The following CCDC171 variants were observed in gnomAD, a reference collection of about 807,000 sequenced individuals.
CCDC171 encodes the protein coiled-coil domain-containing protein 171.
In CCDC171, 177 loss-of-function variants were observed where a neutral mutation model predicts 168.2. The ratio of observed to expected loss-of-function variants is 1.05; its 90% CI spans 0.93 to 1.19. The LOEUF (loss-of-function observed/expected upper bound fraction) is 1.19, where lower values mean the gene tolerates loss of function less well. Among genes scored for constraint, CCDC171 ranks in the 50% most tolerant of loss-of-function variants. The pLI, the probability that CCDC171 is intolerant of heterozygous loss-of-function variation, is 0.00. For missense variants in CCDC171, 1,991 were observed against 1,539.0 expected, an observed-to-expected ratio of 1.29 and a Z score of -4.91; for synonymous variants, 687 against 540.8, an observed-to-expected ratio of 1.27 and a Z score of -3.75.
intron 25 of CCDC171, among the ~76,000 whole-genome samples, chr9:15,923,399 G>T (rs1825559725): frequency 1.3e-5 from 2 of 151,196 alleles, no homozygotes; most frequent in Admixed American, 1.3e-4. Flanking sequence ...AATAAGCCAG[G>T]CATAGAAAGA....
At chr9:15,905,235 C>A (rs1157753354) in intron 24 of CCDC171, among the ~76,000 whole-genome samples, 12 of 152,232 alleles carry the variant, frequency 7.9e-5, no homozygotes, top group African/African-American at 2.9e-4. Context: ...CTCAGCACCA[C>A]ACTGCACTTA....
chr9:15,691,042 A>G (rs564909671), intron 10 of CCDC171, among the ~76,000 whole-genome samples: 1 of 152,324 alleles, frequency 6.6e-6, no homozygotes, highest in South Asian at 2.1e-4. Context: ...CAATTGTCTG[A>G]AAACAGTGTG....
At chr9:16,030,462 A>G (rs1289223523) in intron 6 of CCDC171, among the ~76,000 whole-genome samples, 1 of 152,166 alleles carries the variant, frequency 6.6e-6, no homozygotes, top group Non-Finnish European at 1.5e-5. Context: ...ATTTTAGTAC[A>G]TAGTCTATAG....
At chr9:16,000,482 C>T (rs1304746081) in intron 3 of CCDC171, among the ~76,000 whole-genome samples, 1 of 152,124 alleles carries the variant, frequency 6.6e-6, no homozygotes, top group Non-Finnish European at 1.5e-5. Context: ...ATCTTTAACA[C>T]TTTCCATTTT....
intron 25 of CCDC171, among the ~76,000 whole-genome samples, chr9:15,958,167 T>C (rs1017310702): frequency 6.6e-6 from 1 of 152,046 alleles, no homozygotes; most frequent in African/African-American, 2.4e-5. Flanking sequence ...CAGGCAGGTG[T>C]ATAGAGTACC....
chr9:15,744,733 T>C lies in CCDC171; in HGVS notation c.2510T>C (p.Met837Thr), dbSNP rs769752673. ...WMESFKEGIG[M>T]LVCTGEPQDK... ...GAGAGTTTCAAAGAAGGCATAGGCA[T>C]GTTAGTGTGCACAGGAGAGCCCCAA... The change falls in exon 17 of 26, where the codon ATG becomes ACG. Residue 837 changes from methionine (M) to threonine (T), a missense_variant. Physicochemically the swap from Met to Thr is moderately conservative, Grantham distance 81. Coordinates refer to ENST00000380701, the MANE Select transcript of CCDC171 (RefSeq NM_173550.4). The C allele has an allele frequency of 4.3e-6, 7 of 1,613,954 alleles. No individual in the cohort carries two copies. Among genetic ancestry groups the C allele is most frequent in the Non-Finnish European group, 5.9e-6 (7 of 1,180,004 alleles).
At chr9:16,018,776 G>T (rs1833093073) in intron 3 of CCDC171, among the ~76,000 whole-genome samples, 1 of 152,178 alleles carries the variant, frequency 6.6e-6, no homozygotes, top group South Asian at 2.1e-4. Flanking sequence ...TAAGAAAGTT[G>T]CTGATACCCA....
At chr9:15,771,682 C>A (rs1222223876) in intron 18 of CCDC171, among the ~76,000 whole-genome samples, 1 of 152,052 alleles carries the variant, frequency 6.6e-6, no homozygotes, top group Non-Finnish European at 1.5e-5. Context: ...TGGTAAGTTA[C>A]TGAGAAAGGC....
the CCDC171 span, among the ~76,000 whole-genome samples, chr9:16,084,771 C>T: frequency 0.2 from 30,750 of 151,958 alleles, 3,210 homozygotes; most frequent in Non-Finnish European, 0.22. Context: ...TGTCATCTAA[C>T]CCAATTCCTT....
intron 24 of CCDC171, among the ~76,000 whole-genome samples, chr9:15,905,746 A>G (rs9696742): frequency 0.54 from 82,173 of 151,920 alleles, 22,552 homozygotes; most frequent in East Asian, 0.81. Context: ...TGGTTTTTTG[A>G]AAAGATCAAC....
At chr9:15,706,694 G>C (rs1042019061) in intron 11 of CCDC171, among the ~76,000 whole-genome samples, 1 of 152,172 alleles carries the variant, frequency 6.6e-6, no homozygotes, top group Non-Finnish European at 1.5e-5. Context: ...ATTCATGAAA[G>C]AAAGTCTTCC....
At chr9:15,794,512 G>T (rs1032396715) in intron 21 of CCDC171, among the ~76,000 whole-genome samples, 4 of 150,480 alleles carry the variant, frequency 2.7e-5, no homozygotes, top group African/African-American at 9.8e-5. Context: ...ATGGATGTTG[G>T]ATATTATGAA....
the CCDC171 span, among the ~76,000 whole-genome samples, chr9:16,078,782 T>C: frequency 9.2e-5 from 14 of 152,130 alleles, no homozygotes; most frequent in Non-Finnish European, 1.8e-4. Context: ...TTGGCCTCTG[T>C]AACTGTTCAA....
chr9:16,053,611 G>A (rs142741527), intron 1 of CCDC171, among the ~76,000 whole-genome samples: 1,745 of 152,292 alleles, frequency 0.011, 36 homozygotes, highest in African/African-American at 0.039. Flanking sequence ...AAAGCAATCC[G>A]CTGTCAACCT....
chr9:15,997,883 C>G (rs1013510389), intron 3 of CCDC171, among the ~76,000 whole-genome samples: 1 of 152,148 alleles, frequency 6.6e-6, no homozygotes, highest in Non-Finnish European at 1.5e-5. Flanking sequence ...ATTTACCCCA[C>G]AGTGGAACAG....
At chr9:16,038,117 A>G (rs575116004), upstream of CCDC171, among the ~76,000 whole-genome samples, 1 of 152,182 alleles carries the variant, frequency 6.6e-6, no homozygotes, top group African/African-American at 2.4e-5. Context: ...AGATATTAAA[A>G]GTCAAGAAGA....
At chr9:15,572,444 A>G (rs191730713) in intron 3 of CCDC171, among the ~76,000 whole-genome samples, 67 of 152,304 alleles carry the variant, frequency 4.4e-4, no homozygotes, top group African/African-American at 1.6e-3. Context: ...AAGATGCGTC[A>G]TCTTGGGCTA....
intron 11 of CCDC171, 44 bp downstream of exon 11, chr9:15,695,381 C>A: frequency 7.0e-7 from 1 of 1,427,788 alleles, no homozygotes; most frequent in Non-Finnish European, 9.9e-7. Flanking sequence ...GTCAATGTTC[C>A]AAAGTCACTA....
At chr9:15,791,695 G>T (rs1192135678) in intron 21 of CCDC171, among the ~76,000 whole-genome samples, 1 of 152,100 alleles carries the variant, frequency 6.6e-6, no homozygotes, top group Non-Finnish European at 1.5e-5. Context: ...GAACTCTGCT[G>T]CTGATACCCG....
Sources: allele counts gnomAD v4.1 joint callset (sites outside exome capture counted in the v4.1 genomes callset), GRCh38; gene constraint gnomAD v4.1.1; transcripts MANE v1.5; gene names NCBI Gene and HGNC (gene_info 2026-07-23, HGNC 2026-07-21).